Variants in OR52N2 observed in about 807,000 individuals in gnomAD.
The protein encoded by OR52N2 is olfactory receptor family 52 subfamily N member 2, also known as olfactory receptor 52N2.
For missense variants in OR52N2, 326 were observed against 196.6 expected (o/e 1.66, Z -3.94); for synonymous variants, 129 against 72.0 (o/e 1.79, Z -4.01).
At chr11:5,813,074 C>T (rs772043629) in intron 1 of OR52N2, among the ~76,000 whole-genome samples, 6 of 151,482 alleles carry the variant, frequency 4.0e-5, no homozygotes, top group Non-Finnish European at 7.4e-5. Flanking sequence ...AGCAGTTCTA[C>T]AAGGAAAGTT....
chr11:5,809,614 ACT>A (rs1849199463), intron 1 of OR52N2, among the ~76,000 whole-genome samples: 2 of 151,896 alleles, frequency 1.3e-5, no homozygotes, highest in Non-Finnish European at 2.9e-5. Flanking sequence ...TTGAAGAGGA[ACT>A]CAGAGAAAAT....
In OR52N2 at chr11:5,820,404, A is replaced by G. The variant is rs773667928; in HGVS notation, c.69A>G (p.Glu23=). The G allele has an allele frequency of 1.4e-5, 11 of 780,778 alleles. No individual in the cohort carries two copies. In the Admixed American group the frequency reaches 1.9e-4, roughly 13 times the overall value. The allele number at this position is 780,778 out of a possible 1,614,324, so 48.4% of individuals were successfully genotyped here. A position where few individuals can be genotyped will look rare whatever the true frequency, so the allele number is the denominator to read the frequency against. ...TCTTGAATGGCGTTCCTGGGCTGGA[A>G]GCCACACACATCTGGATCTCCCTGC... The part of the protein sequence containing the change: ...FFILNGVPGL[E]ATHIWISLPF... Residue 23 remains glutamate, a synonymous_variant, in exon 2 of 2, where the codon GAA becomes GAG. Transcript: ENST00000317037.
chr11:5,812,141 C>T (rs2343154), intron 1 of OR52N2, among the ~76,000 whole-genome samples: 32,042 of 151,616 alleles, frequency 0.21, 3,458 homozygotes, highest in Middle Eastern at 0.29. Context: ...CCATGGCACA[C>T]GTATACCTAT....
At chr11:5,820,175 G>T (rs1165261474) in intron 1 of OR52N2, 107 bp from the exon 2 acceptor site, 3 of 653,470 alleles carry the variant, frequency 4.6e-6, no homozygotes, top group East Asian at 5.1e-5. Context: ...TTGGAAGAAA[G>T]AATTTCTGGT....
chr11:5,817,013 T>G (rs368579192), intron 1 of OR52N2, among the ~76,000 whole-genome samples: 2 of 152,250 alleles, frequency 1.3e-5, no homozygotes, highest in Non-Finnish European at 2.9e-5. Flanking sequence ...AATGAAAGTT[T>G]TGTTTCCAAG....
Position 5,821,148 on chromosome 11 carries a change from C to T in OR52N2, c.813C>T (p.Ile271=), listed in dbSNP as rs139106833. ...FFTHRFVGHN[I]PNHIHIIVAN... ...CTCATCGTTTTGTAGGACACAATAT[C>T]CCAAACCACATACACATCATCGTGG... Residue 271 remains isoleucine, a synonymous_variant, in exon 2 of 2, where the codon ATC becomes ATT. Coordinates refer to ENST00000317037, the MANE Select transcript of OR52N2 (RefSeq NM_001005174.3). The T allele has an allele frequency of 5.5e-5, 43 of 780,862 alleles. No homozygotes were observed. Among genetic ancestry groups the T allele is most frequent in the Admixed American group, 1.4e-4 (8 of 59,008 alleles). 48.4% of individuals were successfully genotyped at this position (780,862 alleles called of 1,614,324 possible).
chr11:5,815,935 G>GTA (rs71468070), intron 1 of OR52N2, among the ~76,000 whole-genome samples: 67,833 of 150,678 alleles, frequency 0.45, 16,747 homozygotes, highest in Non-Finnish European at 0.56. Flanking sequence ...CATTATATAT[G>GTA]TATATATATA....
chr11:5,815,790 A>C (rs1004403974), intron 1 of OR52N2, among the ~76,000 whole-genome samples: 1 of 152,162 alleles, frequency 6.6e-6, no homozygotes. Context: ...CGTTCATTGC[A>C]GCATTATTCA....
At chr11:5,809,118 T>C (rs1232314588) in intron 1 of OR52N2, among the ~76,000 whole-genome samples, 64 bp downstream of exon 1, 3 of 152,072 alleles carry the variant, frequency 2.0e-5, no homozygotes, top group African/African-American at 7.2e-5. Flanking sequence ...CCCAGAGTTG[T>C]TGGGTGTAAA....
At chr11:5,820,109 A>C (rs996214821) in intron 1 of OR52N2, among the ~76,000 whole-genome samples, 173 bp from the exon 2 acceptor site, 1 of 152,222 alleles carries the variant, frequency 6.6e-6, no homozygotes, top group African/African-American at 2.4e-5. Flanking sequence ...AGTAGTGGTA[A>C]GACTGTACTG....
In OR52N2 at chr11:5,820,678, G is replaced by A. The variant is rs1846441753; in HGVS notation, c.343G>A (p.Gly115Arg). 2.5e-6 allele frequency: 2 copies of A among 793,022 alleles called. No homozygotes were observed. Among genetic ancestry groups the A allele is most frequent in the East Asian group, 2.4e-5 (1 of 41,282 alleles). The allele number at this position is 793,022 out of a possible 1,614,324, so 49.1% of individuals were successfully genotyped here. A position where few individuals can be genotyped will look rare whatever the true frequency, so the allele number is the denominator to read the frequency against. Residue 115 changes from glycine to arginine, a missense_variant, in exon 2 of 2, where the codon GGG becomes AGG. Gly to Arg is a moderately radical substitution (Grantham distance 125, BLOSUM62 -2). Transcript: ENST00000317037. ...CCATATGCTGACAGGGATGGAGTCT[G>A]GGGTGCTCATGCTCATGGCCCTGGA... is the stretch of plus-strand genomic sequence containing the variant. ...FVHMLTGMES[G>R]VLMLMALDRY...
At chr11:5,814,363 G>A (rs1333571315) in intron 1 of OR52N2, among the ~76,000 whole-genome samples, 4 of 118,312 alleles carry the variant, frequency 3.4e-5, no homozygotes, top group African/African-American at 1.2e-4. Flanking sequence ...ACAACAATCT[G>A]AAAAGAAATT....
chr11:5,813,705 G>A (rs369528836), intron 1 of OR52N2, among the ~76,000 whole-genome samples: 2 of 151,986 alleles, frequency 1.3e-5, no homozygotes, highest in Non-Finnish European at 2.9e-5. Flanking sequence ...ATTGACATCC[G>A]CCAGACAAGG....
At chr11:5,812,654 T>G (rs1165383547) in intron 1 of OR52N2, among the ~76,000 whole-genome samples, 1 of 151,930 alleles carries the variant, frequency 6.6e-6, no homozygotes, top group Admixed American at 6.6e-5. Flanking sequence ...AAAATATTAA[T>G]AGAGCTGAAG....
chr11:5,812,494 C>CA (rs57515736), intron 1 of OR52N2, among the ~76,000 whole-genome samples: 73,196 of 103,832 alleles, frequency 0.7, 26,735 homozygotes, highest in Middle Eastern at 0.79. Context: ...GACTCCATCT[C>CA]AAAAAAAAAA....
At position 5,820,406 on chromosome 11, in the gene OR52N2, C is replaced by A; in HGVS notation, c.71C>A (p.Ala24Asp). 1 of 780,892 alleles carries A rather than the reference C, an allele frequency of 1.3e-6. No homozygotes were observed. Among genetic ancestry groups the A allele is most frequent in the Non-Finnish European group, 2.4e-6 (1 of 418,082 alleles). 48.4% of individuals were successfully genotyped at this position (780,892 alleles called of 1,614,324 possible). ...TTGAATGGCGTTCCTGGGCTGGAAG[C>A]CACACACATCTGGATCTCCCTGCCA... ...FILNGVPGLE[A>D]THIWISLPFC... The change falls in exon 2 of 2, where the codon GCC becomes GAC. Residue 24 changes from alanine to aspartate, a missense_variant. Ala to Asp is a moderately radical substitution (Grantham distance 126). Transcript: ENST00000317037.
intron 1 of OR52N2, among the ~76,000 whole-genome samples, chr11:5,813,589 T>C (rs1442249393): frequency 6.6e-6 from 1 of 152,178 alleles, no homozygotes; most frequent in Non-Finnish European, 1.5e-5. Context: ...ACTGCTGAAT[T>C]CTACCGAACA....
chr11:5,815,911 C>T (rs12226188), intron 1 of OR52N2, among the ~76,000 whole-genome samples: 68,700 of 151,248 alleles, frequency 0.45, 17,062 homozygotes, highest in Non-Finnish European at 0.56. Flanking sequence ...TGTGTATATA[C>T]GTGTGTATAT....
rs368781186 is a variant in OR52N2 at position 5,820,871 on chromosome 11, C to T, written c.536C>T (p.Thr179Ile). 1.3e-6 allele frequency: 1 copy of T among 781,034 alleles called. No homozygotes were observed. Among genetic ancestry groups the T allele is most frequent in the Non-Finnish European group, 2.4e-6 (1 of 418,118 alleles). The allele number at this position is 781,034 out of a possible 1,614,324, so 48.4% of individuals were successfully genotyped here. Residue 179 changes from threonine (T) to isoleucine (I), a missense_variant, in exon 2 of 2, where the codon ACC becomes ATC. By Grantham distance (89) the Thr-to-Ile change is moderately conservative. Transcript: ENST00000317037. ...TGCCGGGGGAACTTCATCCCCCACA[C>T]CTACTGTGACCATATGTCTGTGGCC... ...PYCRGNFIPH[T>I]YCDHMSVAKV...
Sources: allele counts gnomAD v4.1 joint callset (sites outside exome capture counted in the v4.1 genomes callset), GRCh38; gene constraint gnomAD v4.1.1; transcripts MANE v1.5; gene names NCBI Gene and HGNC (gene_info 2026-07-23, HGNC 2026-07-21).